Variants in ANK2 observed in about 807,000 individuals in gnomAD.
ANK2 encodes ankyrin-2.
In ANK2, 83 loss-of-function variants were observed where a neutral mutation model predicts 360.5. The observed-to-expected ratio is 0.23, with a 90% CI of 0.19 to 0.28. The LOEUF is 0.28. Ranked by LOEUF, ANK2 falls within the 10% of genes least tolerant of loss-of-function variation. ANK2 has a pLI of 1.00. For synonymous variants in ANK2, 1,740 were observed against 1,759.5 expected, an observed-to-expected ratio of 0.99 and a Z score of 0.28; for missense variants, 4,201 against 4,795.7, an observed-to-expected ratio of 0.88 and a Z score of 3.66.
intron 22 of ANK2, among the ~76,000 whole-genome samples, chr4:113,301,487 C>T (rs115029780): frequency 0.018 from 2,757 of 151,914 alleles, 49 homozygotes; most frequent in African/African-American, 0.043. Context: ...TTGTGATGAG[C>T]GCACTTAAAA....
At chr4:113,056,488 C>CTCTG (rs769849034) in intron 1 of ANK2, among the ~76,000 whole-genome samples, 5 of 152,090 alleles carry the variant, frequency 3.3e-5, no homozygotes, top group East Asian at 1.9e-4. Context: ...CTTGCTTGTA[C>CTCTG]TCTGTTCTAA....
At chr4:112,924,926 C>A (rs1264503223) in intron 2 of ANK2, among the ~76,000 whole-genome samples, 1 of 151,218 alleles carries the variant, frequency 6.6e-6, no homozygotes, top group Non-Finnish European at 1.5e-5. Context: ...GCAAGCTCCA[C>A]CTCCCCGGTT....
At chr4:112,834,377 C>T (rs540912086) in intron 1 of ANK2, among the ~76,000 whole-genome samples, 5 of 152,114 alleles carry the variant, frequency 3.3e-5, no homozygotes, top group South Asian at 4.2e-4. Context: ...AAAAAGTATG[C>T]GTGGAAGGAA....
chr4:113,336,083 T>G, intron 30 of ANK2, 26 bp downstream of exon 30: 1 of 1,603,128 alleles, frequency 6.2e-7, no homozygotes, highest in Non-Finnish European at 8.5e-7. Flanking sequence ...ATGCAAATGA[T>G]CCTAACAGGA....
chr4:112,840,918 A>G (rs913902113), intron 1 of ANK2, among the ~76,000 whole-genome samples: 3 of 152,112 alleles, frequency 2.0e-5, no homozygotes, highest in Non-Finnish European at 2.9e-5. Context: ...CAGAAAGTAC[A>G]GTGGGGGTTT....
the ANK2 span, among the ~76,000 whole-genome samples, chr4:112,723,427 G>A: frequency 7.9e-5 from 12 of 152,150 alleles, no homozygotes; most frequent in East Asian, 1.2e-3. Context: ...GCAGTGGCGC[G>A]ATCTCGGCGC....
chr4:112,864,352 C>T (rs890738991), intron 1 of ANK2, among the ~76,000 whole-genome samples: 3 of 152,262 alleles, frequency 2.0e-5, no homozygotes, highest in African/African-American at 7.2e-5. Flanking sequence ...CTCTGTTGCC[C>T]AGGCTGGAGT....
chr4:112,889,462 A>G (rs1216432518), intron 1 of ANK2, among the ~76,000 whole-genome samples: 1 of 151,986 alleles, frequency 6.6e-6, no homozygotes, highest in Non-Finnish European at 1.5e-5. Context: ...AGAGAGGTAT[A>G]CTCCATAGAC....
chr4:113,107,519 T>C (rs1264619674), intron 1 of ANK2, among the ~76,000 whole-genome samples: 1 of 152,096 alleles, frequency 6.6e-6, no homozygotes, highest in Non-Finnish European at 1.5e-5. Flanking sequence ...GCCCAGCCAG[T>C]GTTGGATTTT....
intron 1 of ANK2, among the ~76,000 whole-genome samples, chr4:113,087,173 G>C (rs1348375924): frequency 6.6e-6 from 1 of 152,156 alleles, no homozygotes; most frequent in Non-Finnish European, 1.5e-5. Context: ...TGCCGAAATG[G>C]GATTTGAAGG....
At chr4:113,186,302 A>G (rs1279832496) in intron 2 of ANK2, among the ~76,000 whole-genome samples, 5 of 152,198 alleles carry the variant, frequency 3.3e-5, no homozygotes, top group Non-Finnish European at 2.9e-5. Context: ...GACCTGCAGC[A>G]GAGGGGCCTG....
chr4:113,268,041 CCT>C (rs759365510), intron 14 of ANK2, among the ~76,000 whole-genome samples: 30 of 152,086 alleles, frequency 2.0e-4, no homozygotes, highest in African/African-American at 7.0e-4. Context: ...TCATAATTTG[CCT>C]CTCTGTTTGT....
At chr4:112,741,442 T>G in the ANK2 span, among the ~76,000 whole-genome samples, 1 of 152,192 alleles carries the variant, frequency 6.6e-6, no homozygotes, top group Admixed American at 6.5e-5. Flanking sequence ...CCATGCTGCT[T>G]CTTAGGGCTG....
At chr4:112,945,680 C>T (rs2094500040) in intron 2 of ANK2, among the ~76,000 whole-genome samples, 1 of 152,178 alleles carries the variant, frequency 6.6e-6, no homozygotes, top group African/African-American at 2.4e-5. Flanking sequence ...CAGGACACCA[C>T]CCCTGCCAAG....
chr4:112,746,633 T>A, the ANK2 span, among the ~76,000 whole-genome samples: 4 of 152,350 alleles, frequency 2.6e-5, no homozygotes, highest in African/African-American at 9.6e-5. Flanking sequence ...GATGTGCTCC[T>A]TAGCTTATCA....
At chr4:113,293,773 T>C (rs1402589506) in intron 22 of ANK2, among the ~76,000 whole-genome samples, 2 of 152,232 alleles carry the variant, frequency 1.3e-5, no homozygotes, top group Non-Finnish European at 2.9e-5. Flanking sequence ...TGTGTGAATA[T>C]AGTTTTATAA....
intron 3 of ANK2, among the ~76,000 whole-genome samples, chr4:113,198,338 T>TG (rs2098779768): frequency 6.6e-6 from 1 of 151,644 alleles, no homozygotes; most frequent in South Asian, 2.1e-4. Context: ...TACTGGTTTC[T>TG]GGTTTTTTTT....
intron 1 of ANK2, among the ~76,000 whole-genome samples, chr4:113,136,601 G>T (rs1425669754): frequency 6.6e-6 from 1 of 152,076 alleles, no homozygotes; most frequent in East Asian, 1.9e-4. Flanking sequence ...AGAATCGCTT[G>T]AGCCGGGGGA....
chr4:112,992,692 A>C (rs1486303142), intron 2 of ANK2, among the ~76,000 whole-genome samples: 1 of 152,154 alleles, frequency 6.6e-6, no homozygotes, highest in Non-Finnish European at 1.5e-5. Context: ...CTCGTCTTGT[A>C]AGGGCACGAA....
Sources: allele counts gnomAD v4.1 joint callset (sites outside exome capture counted in the v4.1 genomes callset), GRCh38; gene constraint gnomAD v4.1.1; transcripts MANE v1.5; gene names NCBI Gene and HGNC (gene_info 2026-07-23, HGNC 2026-07-21).